PLG: variants seen among roughly 807,000 people sequenced by gnomAD.
The protein encoded by PLG is plasminogen, also known as plasmin.
PLG carries 41 observed loss-of-function variants against 104.4 expected under a neutral mutation model. The ratio of observed to expected loss-of-function variants is 0.39; its 90% CI spans 0.31 to 0.51. The LOEUF is 0.51. Ranked by LOEUF, PLG falls within the 20% of genes least tolerant of loss-of-function variation. PLG has a pLI of 0.76. For missense variants in PLG, 891 were observed against 1,003.6 expected (o/e 0.89, Z 1.52); for synonymous variants, 337 against 357.1 (o/e 0.94, Z 0.63).
rs528086219 is a variant in PLG at position 160,734,496 on chromosome 6, G to C, written c.1681+408G>C. Among the ~76,000 whole-genome samples the C allele has an allele frequency of 6.6e-6, 1 of 152,164 alleles. No homozygotes were observed. The highest frequency in any genetic ancestry group is 2.1e-4 in the South Asian group (1 of 4,806). ...AGCAGGAAACAGGTAAGCATGTAAC[G>C]CACATTGTAAACCTCAGATGGCCAT... is the stretch of plus-strand genomic sequence containing the variant. On this transcript the variant is annotated intron_variant, in intron 13 of 18. Transcript: ENST00000308192. This position sits in a 1 kb window ranked among gnomAD's most constrained non-coding sequence, Gnocchi z 4.4.
intron 17 of PLG, among the ~76,000 whole-genome samples, chr6:160,749,128 G>C (rs1234180798): frequency 2.0e-5 from 3 of 152,226 alleles, no homozygotes; most frequent in African/African-American, 7.2e-5. Context: ...ATAAAGATCT[G>C]TGTGTGAGTT....
intron 17 of PLG, among the ~76,000 whole-genome samples, chr6:160,745,136 G>A (rs1194038010): frequency 1.3e-5 from 2 of 152,142 alleles, no homozygotes; most frequent in African/African-American, 2.4e-5. Context: ...AGTTGTTTTG[G>A]GAAAGAGAGT....
intron 17 of PLG, among the ~76,000 whole-genome samples, chr6:160,750,006 A>C (rs1472696544): frequency 6.6e-6 from 1 of 152,142 alleles, no homozygotes; most frequent in Non-Finnish European, 1.5e-5. Flanking sequence ...CTTCAGTCCC[A>C]CCGCCAACCA....
intron 10 of PLG, among the ~76,000 whole-genome samples, chr6:160,729,605 A>G (rs1323729247): frequency 6.6e-6 from 1 of 152,226 alleles, no homozygotes; most frequent in African/African-American, 2.4e-5. Context: ...TCAAAAATAT[A>G]TTAAGGAAAG....
At chr6:160,707,657 A>T in intron 2 of PLG, 43 bp from the exon 3 acceptor site, 1 of 1,500,772 alleles carries the variant, frequency 6.7e-7, no homozygotes, top group Non-Finnish European at 9.3e-7. Flanking sequence ...GTTTTCTTTA[A>T]ATAAAGAAAA....
chr6:160,703,744 A>G (rs189873579), intron 1 of PLG, among the ~76,000 whole-genome samples: 156 of 152,382 alleles, frequency 1.0e-3, no homozygotes, highest in African/African-American at 3.6e-3. Flanking sequence ...ATTTCAATGC[A>G]TGGAAACTAG....
rs1216705978 is a variant in PLG, at chr6:160,731,606, G to A, written c.1439-139G>A. ...TTTCTTAAGGTAGGCAGCGTTCATT[G>A]CAGTCTTCAGCATTGCAGTTTCTGA... On this transcript the variant is annotated intron_variant, in intron 11 of 18. Transcript: ENST00000308192. This position sits in a 1 kb window ranked among gnomAD's most constrained non-coding sequence, Gnocchi z 5.1. 2.5e-6 allele frequency: 2 copies of A among 809,292 alleles called. No individual in the cohort carries two copies. Among genetic ancestry groups the A allele is most frequent in the East Asian group, 5.0e-5 (2 of 39,932 alleles). 50.1% of individuals were successfully genotyped at this position (809,292 alleles called of 1,614,324 possible).
chr6:160,729,246 A>G (rs1487274087), intron 10 of PLG, among the ~76,000 whole-genome samples: 1 of 152,244 alleles, frequency 6.6e-6, no homozygotes, highest in Non-Finnish European at 1.5e-5. Flanking sequence ...AGAAGACACA[A>G]CAATAAGTGC....
At chr6:160,705,379 T>A (rs1398873562) in intron 1 of PLG, 3 of 152,160 alleles carry the variant, frequency 2.0e-5, no homozygotes, top group Admixed American at 2.0e-4. Flanking sequence ...TCGGACAGAT[T>A]CGTTGTCTCA....
rs955514370 is a variant in PLG at position 160,711,143 on chromosome 6, A to T, written c.359A>T (p.Asn120Ile). 6.2e-7 allele frequency: 1 copy of T among 1,612,118 alleles called. No homozygotes were observed. Among genetic ancestry groups the T allele is most frequent in the Non-Finnish European group, 8.5e-7 (1 of 1,178,322 alleles). The change falls in exon 4 of 19, where the codon AAT becomes ATT. Residue 120 changes from asparagine (N) to isoleucine (I), a missense_variant. By Grantham distance (149) the Asn-to-Ile change is moderately radical. This residue lies in a region of PLG where 854 missense variants were observed against 932.1 expected (regional missense o/e 0.92). Coordinates refer to ENST00000308192, the MANE Select transcript of PLG (RefSeq NM_000301.5). ...NYRGTMSKTK[N>I]GITCQKWSST... The stretch of plus-strand genomic sequence containing the variant: ...AGAGGGACGATGTCCAAAACAAAAA[A>T]TGGCATCACCTGTCAAAAATGGAGT...
chr6:160,717,783 G>C (rs1338595681), intron 7 of PLG, among the ~76,000 whole-genome samples: 3 of 152,206 alleles, frequency 2.0e-5, no homozygotes, highest in Non-Finnish European at 4.4e-5. Context: ...CTCTGAAGGA[G>C]TTCCTTGTGA....
In PLG at chr6:160,732,939, C is replaced by T. The variant is rs73784948; in HGVS notation, c.1587+1046C>T. ...GAATACATCGTTGGCCATTGGAGAC[C>T]AGCTCACCTTCAGCTCCTGTTCCCT... On this transcript the variant is annotated intron_variant, in intron 12 of 18. Transcript: ENST00000308192. The surrounding 1 kb of genome is among the most constrained non-coding windows in gnomAD (Gnocchi z 4.5). Among the ~76,000 whole-genome samples the T allele has an allele frequency of 3.0e-4, 45 of 152,222 alleles. No individual in the cohort carries two copies. Among genetic ancestry groups the T allele is most frequent in the African/African-American group, 1.1e-3 (44 of 41,524 alleles).
Position 160,739,261 on chromosome 6 carries a change from T to C in PLG, c.2018+53T>C. ...CACGCTGGTGAAGATATTTGCTTTA[T>C]GTCTGGGTTTTATGGGCCATGGCCA... On this transcript the variant is annotated intron_variant, in intron 16 of 18. Transcript: ENST00000308192. The surrounding 1 kb of genome is among the most constrained non-coding windows in gnomAD (Gnocchi z 4.4). The C allele has an allele frequency of 6.2e-7, 1 of 1,613,224 alleles. No individual in the cohort carries two copies. Among genetic ancestry groups the C allele is most frequent in the Non-Finnish European group, 8.5e-7 (1 of 1,179,312 alleles).
chr6:160,734,576 A>G lies in PLG; in HGVS notation c.1681+488A>G, dbSNP rs1447888205. Reference sequence around the variant, plus strand: ...TCTTTAGCCCCAGATGGCCTTTCTTATAAGTTTACTACTCACAAGTCACAT... The same window carrying G: ...TCTTTAGCCCCAGATGGCCTTTCTTGTAAGTTTACTACTCACAAGTCACAT... On this transcript the variant is annotated intron_variant, in intron 13 of 18. Coordinates refer to ENST00000308192, the MANE Select transcript of PLG (RefSeq NM_000301.5). This position sits in a 1 kb window ranked among gnomAD's most constrained non-coding sequence, Gnocchi z 4.4. Among the ~76,000 whole-genome samples, 3 of 152,174 alleles carry G rather than the reference A, an allele frequency of 2.0e-5. No individual in the cohort carries two copies. The highest frequency in any genetic ancestry group is 4.4e-5 in the Non-Finnish European group (3 of 68,032).
intron 17 of PLG, among the ~76,000 whole-genome samples, chr6:160,750,200 G>C (rs1479665562): frequency 1.3e-5 from 2 of 152,188 alleles, no homozygotes; most frequent in Admixed American, 1.3e-4. Flanking sequence ...GAGGTGTTGA[G>C]GCCAAGGGGT....
intron 5 of PLG, among the ~76,000 whole-genome samples, chr6:160,713,696 T>C (rs535809188): frequency 6.6e-6 from 1 of 152,192 alleles, no homozygotes; most frequent in Non-Finnish European, 1.5e-5. Flanking sequence ...AGGTTTGCAA[T>C]TAAATAGTTA....
intron 12 of PLG, among the ~76,000 whole-genome samples, chr6:160,733,594 C>T (rs1244962058): frequency 6.6e-6 from 1 of 152,036 alleles, no homozygotes; most frequent in Non-Finnish European, 1.5e-5. Flanking sequence ...AATCCCTACA[C>T]TTTGGGAGGC....
At position 160,731,639 on chromosome 6, in the gene PLG, G is replaced by A. The variant is rs1778000967; in HGVS notation, c.1439-106G>A. The A allele has an allele frequency of 9.4e-7, 1 of 1,061,862 alleles. No individual in the cohort carries two copies. 65.8% of individuals were successfully genotyped at this position (1,061,862 alleles called of 1,614,324 possible). A position where few individuals can be genotyped will look rare whatever the true frequency, so the allele number is the denominator to read the frequency against. On this transcript the variant is annotated intron_variant, in intron 11 of 18. Coordinates refer to ENST00000308192, the MANE Select transcript of PLG (RefSeq NM_000301.5). This position sits in a 1 kb window ranked among gnomAD's most constrained non-coding sequence, Gnocchi z 5.1. ...CAGCATTGCAGTTTCTGAGGAATGT[G>A]GCCCCTGATTCTGTCATCCTAGAGA...
rs144869703 is a variant in PLG, at chr6:160,741,378, C to A, written c.2086C>A (p.Arg696=). ...ATCCCCAAATTATGTGGTCGCTGAC[C>A]GGACCGAATGTTTCATCACTGGCTG... The part of the protein sequence containing the change: ...LPSPNYVVAD[R]TECFITGWGE... The change falls in exon 17 of 19, where the codon CGG becomes AGG. Residue 696 remains arginine (R), a synonymous_variant. Coordinates refer to ENST00000308192, the MANE Select transcript of PLG (RefSeq NM_000301.5). This position sits in a 1 kb window ranked among gnomAD's most constrained non-coding sequence, Gnocchi z 4.7. 7 of 1,613,060 alleles carry A rather than the reference C, an allele frequency of 4.3e-6. No homozygotes were observed. The highest frequency in any genetic ancestry group is 5.9e-6 in the Non-Finnish European group (7 of 1,179,110).
Sources: allele counts gnomAD v4.1 joint callset (sites outside exome capture counted in the v4.1 genomes callset), GRCh38; gene constraint gnomAD v4.1.1; regional missense constraint gnomAD v4.1.1; non-coding constraint Gnocchi (gnomAD v3.1); transcripts MANE v1.5; gene names NCBI Gene and HGNC (gene_info 2026-07-23, HGNC 2026-07-21).